YEATS2: variants seen among roughly 807,000 people sequenced by gnomAD.
YEATS2 encodes YEATS domain-containing protein 2.
In YEATS2, 77 loss-of-function variants were observed where a neutral mutation model predicts 163.2. That is an observed-to-expected ratio of 0.47 (90% CI 0.39 to 0.57). The LOEUF is 0.57. Ranked by LOEUF, YEATS2 falls within the 20% of genes least tolerant of loss-of-function variation. The pLI, the probability that YEATS2 is intolerant of heterozygous loss-of-function variation, is 0.00. For synonymous variants in YEATS2, 631 were observed against 645.1 expected, an observed-to-expected ratio of 0.98 and a Z score of 0.33; for missense variants, 1,549 against 1,729.8, an observed-to-expected ratio of 0.90 and a Z score of 1.85.
intron 25 of YEATS2, chr3:183,802,509 G>GTGTATACATGTATATATA (rs1364263826): frequency 1.5e-5 from 1 of 66,776 alleles, no homozygotes; most frequent in Admixed American, 1.8e-4. Flanking sequence ...GTGTGTGTGT[G>GTGTATACATGTATATATA]TATACATGTA....
intron 7 of YEATS2, among the ~76,000 whole-genome samples, chr3:183,736,029 G>A (rs912863182): frequency 6.6e-6 from 1 of 151,946 alleles, no homozygotes; most frequent in African/African-American, 2.4e-5. Flanking sequence ...GACATATATG[G>A]AAGTAAAGAA....
At chr3:183,749,325 T>C (rs1019289558) in intron 9 of YEATS2, among the ~76,000 whole-genome samples, 1 of 152,230 alleles carries the variant, frequency 6.6e-6, no homozygotes, top group Admixed American at 6.5e-5. Context: ...GTGTACAGTC[T>C]AGTGGCATTA....
At chr3:183,711,978 T>C (rs1408007618) in intron 1 of YEATS2, among the ~76,000 whole-genome samples, 2 of 150,064 alleles carry the variant, frequency 1.3e-5, no homozygotes, top group Admixed American at 1.3e-4. Context: ...CATGACCACG[T>C]CTGGCTAATT....
intron 6 of YEATS2, among the ~76,000 whole-genome samples, 195 bp from the exon 7 acceptor site, chr3:183,728,495 G>T (rs1717365984): frequency 6.6e-6 from 1 of 152,130 alleles, no homozygotes; most frequent in Non-Finnish European, 1.5e-5. Context: ...ACTGCATCCA[G>T]CCCCAGCTAT....
At position 183,697,875 on chromosome 3, in the gene YEATS2, G is replaced by C. The variant is rs1451197631; in HGVS notation, c.-138G>C. On this transcript the variant is annotated 5_prime_UTR_variant, in exon 1 of 31. Transcript: ENST00000305135. ...CGCCGTGTGCTTCCGCAGGTTGCGG[G>C]GGTCGCTGGGGCCTTGTGGCGGGGC... 1 of 151,366 alleles carries C rather than the reference G, an allele frequency of 6.6e-6. No individual in the cohort carries two copies. The highest frequency in any genetic ancestry group is 1.5e-5 in the Non-Finnish European group (1 of 67,772). The allele number at this position is 151,366 out of a possible 1,614,324, so 9.4% of individuals were successfully genotyped here. A position where few individuals can be genotyped will look rare whatever the true frequency, so the allele number is the denominator to read the frequency against.
chr3:183,752,227 C>T lies in YEATS2; in HGVS notation c.1124C>T (p.Pro375Leu). The change falls in exon 10 of 31, where the codon CCA becomes CTA. Residue 375 changes from proline (P) to leucine (L), a missense_variant. Physicochemically the swap from Pro to Leu is moderately conservative, Grantham distance 98 (BLOSUM62 -3). Transcript: ENST00000305135. The stretch of plus-strand genomic sequence containing the variant: ...TCACCAATAAAGCAGTCACATGAGC[C>T]AGTACCCGATACCTCTGTGGAGAAA... ...ASSPIKQSHE[P>L]VPDTSVEKGF... 1 of 1,614,162 alleles carries T rather than the reference C, an allele frequency of 6.2e-7. No individual in the cohort carries two copies. Among genetic ancestry groups the T allele is most frequent in the South Asian group, 1.1e-5 (1 of 91,074 alleles).
chr3:183,768,197 A>C (rs1188474619), intron 15 of YEATS2, among the ~76,000 whole-genome samples: 2 of 152,110 alleles, frequency 1.3e-5, no homozygotes, highest in Non-Finnish European at 2.9e-5. Flanking sequence ...TTGCTCTGAC[A>C]TTCTCAAAAT....
intron 1 of YEATS2, among the ~76,000 whole-genome samples, chr3:183,711,254 A>G (rs1449764593): frequency 6.6e-6 from 1 of 151,970 alleles, no homozygotes; most frequent in Non-Finnish European, 1.5e-5. Flanking sequence ...GCGGATCACG[A>G]GGTCAGGAGA....
At chr3:183,762,312 T>C (rs1418698422) in intron 15 of YEATS2, 33 bp downstream of exon 15, 4 of 1,512,532 alleles carry the variant, frequency 2.6e-6, no homozygotes, top group Non-Finnish European at 3.5e-6. Flanking sequence ...AAATTTCACA[T>C]GTAAATGATG....
chr3:183,698,311 TG>T (rs914652466), intron 1 of YEATS2, among the ~76,000 whole-genome samples: 3 of 152,184 alleles, frequency 2.0e-5, no homozygotes, highest in African/African-American at 7.2e-5. Flanking sequence ...CTCTTGGCCT[TG>T]GAGGCAAGAT....
At chr3:183,735,696 CT>C (rs11432788) in intron 7 of YEATS2, among the ~76,000 whole-genome samples, 2 of 149,246 alleles carry the variant, frequency 1.3e-5, no homozygotes, top group African/African-American at 2.5e-5. Context: ...TTGTCATTTT[CT>C]TTTTTTTTTG....
At chr3:183,720,524 T>C (rs9880287) in intron 4 of YEATS2, among the ~76,000 whole-genome samples, 1,817 of 152,254 alleles carry the variant, frequency 0.012, 33 homozygotes, top group African/African-American at 0.041. Context: ...TAGGCCTTCA[T>C]GTTACCCTTG....
At chr3:183,749,286 A>G (rs1330419766) in intron 9 of YEATS2, among the ~76,000 whole-genome samples, 1 of 152,174 alleles carries the variant, frequency 6.6e-6, no homozygotes, top group African/African-American at 2.4e-5. Context: ...AACACGTAAC[A>G]CAAAATTTAC....
intron 7 of YEATS2, among the ~76,000 whole-genome samples, chr3:183,729,681 T>A (rs555109158): frequency 2.8e-3 from 422 of 152,220 alleles, no homozygotes; most frequent in Non-Finnish European, 4.9e-3. Context: ...TTTACATTTT[T>A]TTTTTTTGAG....
intron 1 of YEATS2, 40 bp from the exon 2 acceptor site, chr3:183,715,104 C>A: frequency 7.7e-7 from 1 of 1,306,866 alleles, no homozygotes; most frequent in Non-Finnish European, 1.1e-6. Flanking sequence ...AACTATTTAA[C>A]TGAATAATTA....
At chr3:183,754,833 A>G (rs568619082) in intron 11 of YEATS2, among the ~76,000 whole-genome samples, 117 of 152,324 alleles carry the variant, frequency 7.7e-4, no homozygotes, top group African/African-American at 2.6e-3. Flanking sequence ...GTCAGTAGGT[A>G]GTTCTGAGTT....
chr3:183,698,666 A>T (rs542667552), intron 1 of YEATS2, among the ~76,000 whole-genome samples: 2 of 151,682 alleles, frequency 1.3e-5, no homozygotes, highest in South Asian at 2.1e-4. Flanking sequence ...CTGACACATC[A>T]TTTTTTTTTA....
chr3:183,770,412 A>G (rs1227411799), intron 15 of YEATS2, among the ~76,000 whole-genome samples: 1 of 152,108 alleles, frequency 6.6e-6, no homozygotes, highest in Non-Finnish European at 1.5e-5. Context: ...AAAATTTCCT[A>G]CTTATCAGTT....
chr3:183,803,190 A>T, intron 25 of YEATS2, 66 bp from the exon 26 acceptor site: 1 of 1,552,286 alleles, frequency 6.4e-7, no homozygotes, highest in South Asian at 1.2e-5. Context: ...GCTTGCCTCC[A>T]GCAAATGACG....
Sources: allele counts gnomAD v4.1 joint callset (sites outside exome capture counted in the v4.1 genomes callset), GRCh38; gene constraint gnomAD v4.1.1; transcripts MANE v1.5; gene names NCBI Gene and HGNC (gene_info 2026-07-23, HGNC 2026-07-21).